Variants in WDR81 observed in about 807,000 individuals in gnomAD.
The protein encoded by WDR81 is WD repeat-containing protein 81.
Under a neutral mutation model 140.8 loss-of-function variants are expected in WDR81, and 92 were observed. The ratio of observed to expected loss-of-function variants is 0.65; its 90% confidence interval spans 0.55 to 0.78. The LOEUF (loss-of-function observed/expected upper bound fraction) is 0.78, where lower values mean the gene tolerates loss of function less well. Ranked by LOEUF, WDR81 falls within the 30% of genes least tolerant of loss-of-function variation. The pLI, the probability that WDR81 is intolerant of heterozygous loss-of-function variation, is 0.00. For synonymous variants in WDR81, 1,183 were observed against 1,156.4 expected (o/e 1.02, Z -0.47); for missense variants, 2,502 against 2,636.4 (o/e 0.95, Z 1.12).
chr17:1,734,252 C>G, intron 7 of WDR81, 36 bp downstream of exon 7: 2 of 1,503,132 alleles, frequency 1.3e-6, no homozygotes, highest in Non-Finnish European at 1.8e-6. Flanking sequence ...TCTCTTCCTG[C>G]TCCTGCGCCC....
In WDR81 at chr17:1,735,930, G is replaced by A. The variant is rs1904823459; in HGVS notation, c.5326-109G>A. 6.8e-7 allele frequency: 1 copy of A among 1,461,228 alleles called. No individual in the cohort carries two copies. Among genetic ancestry groups the A allele is most frequent in the Admixed American group, 2.3e-5 (1 of 44,026 alleles). 90.5% of individuals were successfully genotyped at this position (1,461,228 alleles called of 1,614,324 possible). ...CTGGGCTTTTCATGCCCCCTGATGAGGGTCAGAGGCTCAGGCCTTCCTGCT... is the reference window on the plus strand; with the variant it reads ...CTGGGCTTTTCATGCCCCCTGATGAAGGTCAGAGGCTCAGGCCTTCCTGCT... On this transcript the variant is annotated intron_variant, in intron 8 of 9. Coordinates refer to ENST00000409644, the MANE Select transcript of WDR81 (RefSeq NM_001163809.2). The surrounding 1 kb of genome is among the most constrained non-coding windows in gnomAD (Gnocchi z 4.2).
Position 1,734,032 on chromosome 17 carries a change from C to T in WDR81, c.4995C>T (p.Ser1665=), listed in dbSNP as rs143987787. Residue 1665 remains serine (S), a synonymous_variant, in exon 7 of 10, where the codon AGC becomes AGT. Coordinates refer to ENST00000409644, the MANE Select transcript of WDR81 (RefSeq NM_001163809.2). ...APLSSEDFFL[S]GSKDRTVRLW... ...TAAGCAGCGAGGACTTCTTCCTGAG[C>T]GGCAGCAAGGATCGTACCGTGCGCC... The T allele has an allele frequency of 1.5e-5, 24 of 1,611,204 alleles. No homozygotes were observed. Among genetic ancestry groups the T allele is most frequent in the Admixed American group, 1.0e-4 (6 of 60,008 alleles).
chr17:1,726,741 G>T lies in WDR81; in HGVS notation c.1782G>T (p.Gly594=). ...AGCCACACCCCCAGCGCCTGGCTGG[G>T]GCTCCTGCCCTTGCCCCCGAGCCTC... is the stretch of plus-strand genomic sequence containing the variant. ...FDQPHPQRLA[G]APALAPEPPL... The change falls in exon 1 of 10, where the codon GGG becomes GGT. Residue 594 remains glycine, a synonymous_variant. Coordinates refer to ENST00000409644, the MANE Select transcript of WDR81 (RefSeq NM_001163809.2). 1 of 1,547,902 alleles carries T rather than the reference G, an allele frequency of 6.5e-7. No homozygotes were observed. Among genetic ancestry groups the T allele is most frequent in the South Asian group, 1.2e-5 (1 of 84,042 alleles).
chr17:1,724,456 ACCCG>A (rs1915069963), upstream of WDR81: 1 of 983,512 alleles, frequency 1.0e-6, no homozygotes, highest in African/African-American at 1.8e-5. Context: ...AGCCTCCGGG[ACCCG>A]CGCGCTGGTG....
rs955289886 is a variant in WDR81 at position 1,724,932 on chromosome 17, C to T, written c.-28C>T. The T allele has an allele frequency of 7.2e-7, 1 of 1,383,952 alleles. No homozygotes were observed. Among genetic ancestry groups the T allele is most frequent in the Non-Finnish European group, 9.3e-7 (1 of 1,074,358 alleles). The allele number at this position is 1,383,952 out of a possible 1,614,324, so 85.7% of individuals were successfully genotyped here. A position where few individuals can be genotyped will look rare whatever the true frequency, so the allele number is the denominator to read the frequency against. On this transcript the variant is annotated 5_prime_UTR_variant, in exon 1 of 10. Coordinates refer to ENST00000409644, the MANE Select transcript of WDR81 (RefSeq NM_001163809.2). ...GCAGGGCCGTGGCTGGGCTCAGCCCCGCGCTGCCCCCGGGCGGCCTGGAGG... is the reference window on the plus strand; with the variant it reads ...GCAGGGCCGTGGCTGGGCTCAGCCCTGCGCTGCCCCCGGGCGGCCTGGAGG...
intron 4 of WDR81, 99 bp from the exon 5 acceptor site, chr17:1,732,226 G>T (rs1018910833): frequency 6.7e-7 from 1 of 1,485,804 alleles, no homozygotes; most frequent in Non-Finnish European, 9.0e-7. Context: ...GACAGAGCAA[G>T]ACTCCATCTC....
chr17:1,737,740 C>A lies in WDR81; in HGVS notation c.*55C>A. 6.5e-7 allele frequency: 1 copy of A among 1,532,012 alleles called. No homozygotes were observed. 94.9% of individuals were successfully genotyped at this position (1,532,012 alleles called of 1,614,324 possible). A position where few individuals can be genotyped will look rare whatever the true frequency, so the allele number is the denominator to read the frequency against. On this transcript the variant is annotated 3_prime_UTR_variant, in exon 10 of 10. Coordinates refer to ENST00000409644, the MANE Select transcript of WDR81 (RefSeq NM_001163809.2). ...GGGAAGACATCTGCGGGCGCGTGTC[C>A]ACTCACCCTGTTCCCTGAGCAGCAG...
rs1335437540 is a variant in WDR81 at position 1,731,106 on chromosome 17, C to T, written c.4005C>T (p.Asn1335=). 2 of 1,612,954 alleles carry T rather than the reference C, an allele frequency of 1.2e-6. No individual in the cohort carries two copies. Among genetic ancestry groups the T allele is most frequent in the Non-Finnish European group, 1.7e-6 (2 of 1,179,966 alleles). The change falls in exon 4 of 10, where the codon AAC becomes AAT. Residue 1335 remains asparagine, a synonymous_variant. Coordinates refer to ENST00000409644, the MANE Select transcript of WDR81 (RefSeq NM_001163809.2). ...GTGCCTCAGGCCCCAGCCGACTGAA[C>T]AGCCGTAAGGAGGCGGGGCTGCTGG... The part of the protein sequence containing the change: ...PGSASGPSRL[N]SRKEAGLLAA...
Position 1,725,937 on chromosome 17 carries a change from T to C in WDR81, c.978T>C (p.Ile326=). 2.6e-6 allele frequency: 4 copies of C among 1,550,662 alleles called. No individual in the cohort carries two copies. Among genetic ancestry groups the C allele is most frequent in the Non-Finnish European group, 3.5e-6 (4 of 1,146,916 alleles). Residue 326 remains isoleucine (I), a synonymous_variant, in exon 1 of 10, where the codon ATT becomes ATC. Coordinates refer to ENST00000409644, the MANE Select transcript of WDR81 (RefSeq NM_001163809.2). The part of the protein sequence containing the change: ...EAPVARDEAG[I]VSQEEQGGQP... ...CTGTGGCAAGGGATGAGGCGGGCATTGTGTCTCAAGAGGAGCAGGGAGGGC... is the reference window on the plus strand; with the variant it reads ...CTGTGGCAAGGGATGAGGCGGGCATCGTGTCTCAAGAGGAGCAGGGAGGGC...
intron 1 of WDR81, among the ~76,000 whole-genome samples, chr17:1,728,881 A>G (rs1264295753): frequency 6.6e-6 from 1 of 151,944 alleles, no homozygotes; most frequent in Non-Finnish European, 1.5e-5. Flanking sequence ...TGAACCCGGG[A>G]GGCGGAGCTT....
At position 1,728,338 on chromosome 17, in the gene WDR81, G is replaced by GA; in HGVS notation, c.3380dup (p.Ala1130CysfsTer12). 1 of 1,612,904 alleles carries GA rather than the reference G, an allele frequency of 6.2e-7. No homozygotes were observed. Among genetic ancestry groups the GA allele is most frequent in the Non-Finnish European group, 8.5e-7 (1 of 1,180,008 alleles). On this transcript the variant is annotated frameshift_variant, in exon 1 of 10. Coordinates refer to ENST00000409644, the MANE Select transcript of WDR81 (RefSeq NM_001163809.2). LOFTEE classifies it high-confidence loss of function. ...CCTGGGTGAGGAGCGGGCTCCAGAC[G>GA]AGGGGGGTGCCCCCGTGGACAAGAG...
intron 4 of WDR81, among the ~76,000 whole-genome samples, chr17:1,731,864 T>A (rs1375807910): frequency 6.6e-6 from 1 of 151,252 alleles, no homozygotes; most frequent in Admixed American, 6.6e-5. Flanking sequence ...GAAGCGGAGG[T>A]TGCAGTGAGC....
upstream of WDR81, among the ~76,000 whole-genome samples, chr17:1,721,928 A>T (rs548956755): frequency 3.9e-5 from 6 of 152,166 alleles, no homozygotes; most frequent in African/African-American, 1.2e-4. Context: ...GTTTGAGACC[A>T]GCCTGACCAA....
intron 7 of WDR81, among the ~76,000 whole-genome samples, chr17:1,734,777 T>TA (rs1567727926): frequency 8.7e-6 from 1 of 114,370 alleles, no homozygotes; most frequent in Non-Finnish European, 1.9e-5. Context: ...AGACTCTGTC[T>TA]CAAAAAAAAA....
Position 1,727,710 on chromosome 17 carries a change from C to T in WDR81, c.2751C>T (p.Thr917=). The T allele has an allele frequency of 3.9e-6, 6 of 1,550,584 alleles. No homozygotes were observed. Among genetic ancestry groups the T allele is most frequent in the Non-Finnish European group, 5.2e-6 (6 of 1,147,008 alleles). The change falls in exon 1 of 10, where the codon ACC becomes ACT. Residue 917 remains threonine (T), a synonymous_variant. Coordinates refer to ENST00000409644, the MANE Select transcript of WDR81 (RefSeq NM_001163809.2). The part of the protein sequence containing the change: ...QQLGAVLKDI[T]PEGLEILLPF... ...TGGGCGCGGTGCTGAAGGACATCAC[C>T]CCTGAGGGCCTGGAGATCCTGCTGC...
intron 1 of WDR81, among the ~76,000 whole-genome samples, chr17:1,729,976 G>C (rs764748110): frequency 2.8e-3 from 406 of 144,102 alleles, no homozygotes; most frequent in Non-Finnish European, 4.4e-3. Context: ...GGGCAACAGT[G>C]CGAGACTCTG....
rs1286871913 is a variant in WDR81 at position 1,735,040 on chromosome 17, C to T, written c.5180-532C>T. On this transcript the variant is annotated intron_variant, in intron 7 of 9. Transcript: ENST00000409644. This position sits in a 1 kb window ranked among gnomAD's most constrained non-coding sequence, Gnocchi z 4.2. Reference sequence around the variant, plus strand: ...GGGAGAGTCAAGAAACATCTTTAGGCCGATGCAGTGGCTCACGCCTGTAAT... The same window carrying T: ...GGGAGAGTCAAGAAACATCTTTAGGTCGATGCAGTGGCTCACGCCTGTAAT... 6.6e-6 allele frequency among the ~76,000 whole-genome samples: 1 copy of T among 152,036 alleles called. No homozygotes were observed. Among genetic ancestry groups the T allele is most frequent in the East Asian group, 1.9e-4 (1 of 5,172 alleles).
intron 1 of WDR81, chr17:1,716,777 CTTTAAGGAAAGGTGGAGCG>C (rs1914587260): frequency 8.5e-6 from 8 of 939,554 alleles, no homozygotes; most frequent in Admixed American, 4.7e-5. Flanking sequence ...CGCTATAGCT[CTTTAAGGAAAGGTGGAGCG>C]GACCAAGGAG....
chr17:1,725,739 G>A lies in WDR81; in HGVS notation c.780G>A (p.Val260=), dbSNP rs760895829. ...AGCTGACCAACAGCCAGGCCAAGGT[G>A]CTGTTCATTCTCTTCCGCGTGCTGA... ...PAKLTNSQAK[V]LFILFRVLRA... is the part of the protein sequence containing the mutation. The change falls in exon 1 of 10, where the codon GTG becomes GTA. Residue 260 remains valine (V), a synonymous_variant. Transcript: ENST00000409644. The A allele has an allele frequency of 1.0e-5, 16 of 1,550,592 alleles. No individual in the cohort carries two copies. The highest frequency in any genetic ancestry group is 1.3e-5 in the Non-Finnish European group (15 of 1,147,044).
Sources: allele counts gnomAD v4.1 joint callset (sites outside exome capture counted in the v4.1 genomes callset), GRCh38; gene constraint gnomAD v4.1.1; non-coding constraint Gnocchi (gnomAD v3.1); transcripts MANE v1.5; gene names NCBI Gene and HGNC (gene_info 2026-07-23, HGNC 2026-07-21).